ANK2: variants seen among roughly 807,000 people sequenced by gnomAD.
ANK2 encodes the protein ankyrin 2.
Under a neutral mutation model 360.5 loss-of-function variants are expected in ANK2, and 83 were observed. The observed-to-expected ratio is 0.23, with a 90% CI of 0.19 to 0.28. The LOEUF is 0.28. ANK2 is among the 10% of genes least tolerant of loss of function. The probability of loss-of-function intolerance (pLI) is 1.00; values close to 1 mark genes in which losing one functional copy is unlikely to be tolerated. For missense variants in ANK2, 4,201 were observed against 4,795.7 expected (o/e 0.88, Z 3.66); for synonymous variants, 1,740 against 1,759.5 (o/e 0.99, Z 0.28).
At chr4:112,988,589 A>G (rs1482777969) in intron 2 of ANK2, among the ~76,000 whole-genome samples, 1 of 152,258 alleles carries the variant, frequency 6.6e-6, no homozygotes, top group African/African-American at 2.4e-5. Context: ...TCCAGTTCCC[A>G]GATTTAAGGA....
chr4:112,810,866 G>T, the ANK2 span, among the ~76,000 whole-genome samples: 13 of 148,094 alleles, frequency 8.8e-5, no homozygotes, highest in Non-Finnish European at 3.0e-5. Context: ...CCGCTTTTTT[G>T]TTGTTGTTGT....
the ANK2 span, among the ~76,000 whole-genome samples, chr4:112,714,304 T>G: frequency 6.6e-6 from 1 of 152,124 alleles, no homozygotes; most frequent in Non-Finnish European, 1.5e-5. Flanking sequence ...TGCCTCAGCC[T>G]CCCAAGTAGC....
At chr4:113,033,148 C>G (rs1374946958) in intron 2 of ANK2, among the ~76,000 whole-genome samples, 1 of 151,948 alleles carries the variant, frequency 6.6e-6, no homozygotes, top group Non-Finnish European at 1.5e-5. Flanking sequence ...AAATAGGGAC[C>G]AAGGAATACC....
At chr4:112,737,879 G>A in the ANK2 span, among the ~76,000 whole-genome samples, 1 of 152,124 alleles carries the variant, frequency 6.6e-6, no homozygotes, top group East Asian at 1.9e-4. Flanking sequence ...AACTTTAGCT[G>A]TATTCTATTG....
chr4:112,987,809 G>T (rs971225899), intron 2 of ANK2, among the ~76,000 whole-genome samples: 2 of 151,898 alleles, frequency 1.3e-5, no homozygotes, highest in African/African-American at 4.8e-5. Flanking sequence ...ATATGTTATA[G>T]AAACAACTAT....
chr4:112,720,660 ATAATT>A, the ANK2 span, among the ~76,000 whole-genome samples: 4 of 152,212 alleles, frequency 2.6e-5, no homozygotes, highest in Non-Finnish European at 5.9e-5. Context: ...TGCTCAATGA[ATAATT>A]TAATCTTTTA....
At chr4:113,296,959 T>C (rs2071930261) in intron 22 of ANK2, among the ~76,000 whole-genome samples, 2 of 152,144 alleles carry the variant, frequency 1.3e-5, no homozygotes, top group African/African-American at 4.8e-5. Flanking sequence ...ATTAGTAAAA[T>C]AAAAATATTA....
At chr4:113,324,374 A>G (rs2088446851) in intron 26 of ANK2, among the ~76,000 whole-genome samples, 1 of 152,126 alleles carries the variant, frequency 6.6e-6, no homozygotes, top group Non-Finnish European at 1.5e-5. Context: ...TTATTCTGTT[A>G]TTTATTTAAA....
intron 24 of ANK2, among the ~76,000 whole-genome samples, chr4:113,312,044 G>A (rs937384351): frequency 2.0e-5 from 3 of 152,112 alleles, no homozygotes; most frequent in African/African-American, 7.2e-5. Flanking sequence ...TTATTAACTA[G>A]TACAACTGGC....
the ANK2 span, among the ~76,000 whole-genome samples, chr4:112,772,685 G>A: frequency 1.3e-5 from 2 of 152,184 alleles, no homozygotes; most frequent in African/African-American, 4.8e-5. Context: ...GAGAAGAAGT[G>A]TGTGTTCAAG....
intron 2 of ANK2, among the ~76,000 whole-genome samples, chr4:112,951,384 G>A (rs2094981231): frequency 6.6e-6 from 1 of 152,108 alleles, no homozygotes; most frequent in South Asian, 2.1e-4. Context: ...ATACTGAGCA[G>A]GAGTTATTTT....
chr4:113,330,546 T>C, intron 27 of ANK2, 76 bp downstream of exon 27: 1 of 1,472,984 alleles, frequency 6.8e-7, no homozygotes, highest in East Asian at 2.3e-5. Flanking sequence ...TAGGATGGAA[T>C]GGAAAAAGGT....
chr4:112,862,455 G>A (rs752567294), intron 1 of ANK2, among the ~76,000 whole-genome samples: 7 of 152,112 alleles, frequency 4.6e-5, no homozygotes, highest in Admixed American at 1.3e-4. Context: ...CCTGAACAAG[G>A]CAGATCAGAG....
At chr4:112,804,344 C>T in the ANK2 span, among the ~76,000 whole-genome samples, 1 of 152,098 alleles carries the variant, frequency 6.6e-6, no homozygotes, top group African/African-American at 2.4e-5. Flanking sequence ...TAAAACAATA[C>T]TTTATTCAAG....
At chr4:112,962,666 G>A (rs141959099) in intron 2 of ANK2, among the ~76,000 whole-genome samples, 10 of 152,172 alleles carry the variant, frequency 6.6e-5, no homozygotes, top group South Asian at 2.1e-4. Flanking sequence ...CACTAACAGC[G>A]CATAAGTGTT....
intron 1 of ANK2, among the ~76,000 whole-genome samples, chr4:113,097,240 A>G (rs550970105): frequency 6.6e-6 from 1 of 151,658 alleles, no homozygotes; most frequent in African/African-American, 2.4e-5. Flanking sequence ...TCACTCCCCT[A>G]AATTATTCCC....
chr4:113,155,372 G>C (rs778610434), intron 1 of ANK2, among the ~76,000 whole-genome samples: 17 of 152,092 alleles, frequency 1.1e-4, no homozygotes, highest in Non-Finnish European at 2.1e-4. Flanking sequence ...GATAGAACCA[G>C]GATTAGAAAG....
At chr4:113,275,258 G>A (rs1292102271) in intron 15 of ANK2, among the ~76,000 whole-genome samples, 1 of 152,138 alleles carries the variant, frequency 6.6e-6, no homozygotes, top group Non-Finnish European at 1.5e-5. Flanking sequence ...TTTTACTTAT[G>A]TTCCAAGTTT....
intron 1 of ANK2, among the ~76,000 whole-genome samples, chr4:112,871,528 CT>C (rs1279264281): frequency 1.3e-5 from 2 of 152,140 alleles, no homozygotes; most frequent in African/African-American, 2.4e-5. Context: ...AGAGTTTTCT[CT>C]GTAAAAAATT....
Sources: gnomAD v4.1 joint callset for allele counts (sites outside exome capture counted in the v4.1 genomes callset) on GRCh38, gnomAD v4.1.1 for gene constraint, MANE v1.5 for transcripts, NCBI Gene and HGNC (gene_info 2026-07-23, HGNC 2026-07-21) for gene names.